Variants in ROBO1 observed in about 807,000 individuals in gnomAD.
ROBO1 encodes the protein roundabout homolog 1.
ROBO1 carries 149 observed loss-of-function variants against 195.9 expected under a neutral mutation model. That is an observed-to-expected ratio of 0.76 (90% CI 0.67 to 0.87). ROBO1 has a LOEUF of 0.87. ROBO1 is among the 40% of genes least tolerant of loss of function. ROBO1 has a pLI of 0.00. For synonymous variants in ROBO1, 816 were observed against 733.2 expected, an observed-to-expected ratio of 1.11 and a Z score of -1.82; for missense variants, 1,933 against 2,068.3, an observed-to-expected ratio of 0.93 and a Z score of 1.27.
intron 4 of ROBO1, among the ~76,000 whole-genome samples, chr3:78,777,096 A>T (rs986234613): frequency 1.3e-5 from 2 of 152,294 alleles, no homozygotes; most frequent in Admixed American, 6.5e-5. Context: ...CCCCCAAGAG[A>T]TTGACTATCC....
chr3:78,841,470 A>G (rs1333615354), intron 4 of ROBO1, among the ~76,000 whole-genome samples: 1 of 152,206 alleles, frequency 6.6e-6, no homozygotes, highest in African/African-American at 2.4e-5. Context: ...GGCCATGATT[A>G]ATCAGCAGAG....
intron 2 of ROBO1, among the ~76,000 whole-genome samples, chr3:79,260,122 A>G (rs573495975): frequency 1.2e-4 from 18 of 151,788 alleles, no homozygotes; most frequent in Admixed American, 3.9e-4. Flanking sequence ...ATATATATAT[A>G]TATTTGTATT....
At chr3:78,922,574 G>C (rs2038994469) in intron 4 of ROBO1, among the ~76,000 whole-genome samples, 2 of 145,728 alleles carry the variant, frequency 1.4e-5, no homozygotes, top group Non-Finnish European at 3.0e-5. Context: ...TAAAACCACT[G>C]TCTGATTTTC....
At chr3:79,432,902 T>C (rs1033818051) in intron 2 of ROBO1, among the ~76,000 whole-genome samples, 2 of 152,186 alleles carry the variant, frequency 1.3e-5, no homozygotes, top group Non-Finnish European at 2.9e-5. Flanking sequence ...GAAAATCCTG[T>C]CTTCAATATT....
At chr3:78,768,192 T>G (rs2083276925) in intron 4 of ROBO1, among the ~76,000 whole-genome samples, 1 of 152,150 alleles carries the variant, frequency 6.6e-6, no homozygotes, top group Admixed American at 6.5e-5. Context: ...AAATGCTCAT[T>G]CAGGAGCAGG....
intron 2 of ROBO1, among the ~76,000 whole-genome samples, chr3:79,323,490 A>T (rs1315150401): frequency 2.0e-5 from 3 of 152,170 alleles, no homozygotes; most frequent in African/African-American, 7.2e-5. Context: ...TTAAGCATTC[A>T]TTTGCACAGA....
chr3:79,710,546 C>A (rs1292164315), intron 1 of ROBO1, among the ~76,000 whole-genome samples: 2 of 152,006 alleles, frequency 1.3e-5, no homozygotes, highest in African/African-American at 4.8e-5. Flanking sequence ...CCAAAAATAG[C>A]CTACAGGAAC....
At chr3:78,850,907 A>C (rs1161315963) in intron 4 of ROBO1, among the ~76,000 whole-genome samples, 1 of 151,832 alleles carries the variant, frequency 6.6e-6, no homozygotes, top group Admixed American at 6.6e-5. Flanking sequence ...CCTGGGTTCA[A>C]GCGATTCTCC....
chr3:78,611,413 G>A (rs1703801075), intron 28 of ROBO1, among the ~76,000 whole-genome samples: 1 of 152,116 alleles, frequency 6.6e-6, no homozygotes, highest in South Asian at 2.1e-4. Flanking sequence ...ACTTATTCCT[G>A]GCTTTTACTC....
intron 14 of ROBO1, among the ~76,000 whole-genome samples, chr3:78,663,255 A>G (rs1707535806): frequency 6.6e-6 from 1 of 151,938 alleles, no homozygotes; most frequent in Non-Finnish European, 1.5e-5. Flanking sequence ...ATCGAGATTG[A>G]TATCAAACAC....
At chr3:78,897,346 G>T (rs1012628981) in intron 4 of ROBO1, among the ~76,000 whole-genome samples, 11 of 152,148 alleles carry the variant, frequency 7.2e-5, no homozygotes, top group Admixed American at 5.9e-4. Flanking sequence ...TGTGCAGATA[G>T]TCTGGGAACC....
At chr3:79,491,520 T>G (rs574257732) in intron 2 of ROBO1, among the ~76,000 whole-genome samples, 8 of 152,152 alleles carry the variant, frequency 5.3e-5, no homozygotes, top group Non-Finnish European at 1.2e-4. Context: ...AGGAACAGAT[T>G]TGTTAAATTC....
intron 2 of ROBO1, among the ~76,000 whole-genome samples, chr3:79,505,367 C>A (rs1290209717): frequency 6.6e-6 from 1 of 151,966 alleles, no homozygotes. Flanking sequence ...TTGTAAATTG[C>A]CAAATTGCGA....
At chr3:79,214,701 T>G (rs551978477) in intron 2 of ROBO1, among the ~76,000 whole-genome samples, 30 of 150,744 alleles carry the variant, frequency 2.0e-4, no homozygotes, top group African/African-American at 7.3e-4. Context: ...GATTACCGTT[T>G]CTGTTAGTAA....
chr3:78,642,491 A>T (rs1394108367), intron 21 of ROBO1, among the ~76,000 whole-genome samples: 1 of 152,192 alleles, frequency 6.6e-6, no homozygotes, highest in African/African-American at 2.4e-5. Flanking sequence ...TTTAAAGAGA[A>T]GCAAAGGCTT....
intron 2 of ROBO1, among the ~76,000 whole-genome samples, chr3:79,559,405 G>A (rs1942825809): frequency 6.6e-6 from 1 of 152,014 alleles, no homozygotes; most frequent in Non-Finnish European, 1.5e-5. Context: ...ATATGTCTTA[G>A]ATAAAAACCT....
rs182237798 is a variant in ROBO1, at chr3:79,321,209, G to A, written c.89-195670C>T. On this transcript the variant is annotated intron_variant, in intron 2 of 30. Transcript: ENST00000464233. ...TTTTTTTTTTCTTGAGTTCAGATGT[G>A]TCAAAAATTGTAAAGTATTGCTAGT... Among the ~76,000 whole-genome samples, 3 of 151,772 alleles carry A rather than the reference G, an allele frequency of 2.0e-5. No individual in the cohort carries two copies. In the East Asian group the frequency reaches 5.8e-4, roughly 30 times the overall value.
intron 2 of ROBO1, among the ~76,000 whole-genome samples, chr3:79,343,750 C>A (rs1050277586): frequency 6.6e-6 from 1 of 152,078 alleles, no homozygotes; most frequent in Non-Finnish European, 1.5e-5. Flanking sequence ...TAAGGAAGAA[C>A]AGCAAACAAA....
chr3:78,826,342 T>C (rs2031600586), intron 4 of ROBO1, among the ~76,000 whole-genome samples: 2 of 152,206 alleles, frequency 1.3e-5, no homozygotes, highest in Admixed American at 1.3e-4. Flanking sequence ...CAGAATCGTC[T>C]TTCTCAAAAA....
Sources: gnomAD v4.1 joint callset for allele counts (sites outside exome capture counted in the v4.1 genomes callset) on GRCh38, gnomAD v4.1.1 for gene constraint, MANE v1.5 for transcripts, NCBI Gene and HGNC (gene_info 2026-07-23, HGNC 2026-07-21) for gene names.